Variants in PDILT observed in about 807,000 individuals in gnomAD.
The protein encoded by PDILT is protein disulfide-isomerase-like protein of the testis.
A neutral mutation model predicts 53.7 loss-of-function variants in PDILT; 43 were observed. That is an observed-to-expected ratio of 0.80 (90% CI 0.63 to 1.03). The LOEUF (loss-of-function observed/expected upper bound fraction) is 1.03, where lower values mean the gene tolerates loss of function less well. PDILT is among the 50% of genes least tolerant of loss of function. The pLI, the probability that PDILT is intolerant of heterozygous loss-of-function variation, is 0.00. For missense variants in PDILT, 727 were observed against 712.3 expected, an observed-to-expected ratio of 1.02 and a Z score of -0.24; for synonymous variants, 282 against 274.2, an observed-to-expected ratio of 1.03 and a Z score of -0.28.
chr16:20,400,043 TATC>T, intron 1 of PDILT, among the ~76,000 whole-genome samples: 1 of 125,488 alleles, frequency 8.0e-6, no homozygotes, highest in Admixed American at 8.4e-5. Flanking sequence ...TCTATCTATC[TATC>T]TATCTATCTA....
intron 3 of PDILT, among the ~76,000 whole-genome samples, chr16:20,382,803 G>A (rs1055995668): frequency 1.3e-5 from 2 of 152,200 alleles, no homozygotes; most frequent in Non-Finnish European, 2.9e-5. Context: ...GGCAGTGATT[G>A]TTTCTTAAGC....
At chr16:20,367,942 C>T (rs1284658869) in intron 8 of PDILT, among the ~76,000 whole-genome samples, 1 of 151,884 alleles carries the variant, frequency 6.6e-6, no homozygotes, top group Non-Finnish European at 1.5e-5. Context: ...ATGGGGTATA[C>T]AGGAGGTGGA....
At chr16:20,398,802 G>C (rs565307032) in intron 2 of PDILT, among the ~76,000 whole-genome samples, 1 of 152,226 alleles carries the variant, frequency 6.6e-6, no homozygotes, top group Admixed American at 6.5e-5. Context: ...GAAAGACTGA[G>C]GCTCGGAATA....
chr16:20,365,737 G>T (rs1238386281), intron 8 of PDILT, among the ~76,000 whole-genome samples, 197 bp from the exon 9 acceptor site: 1 of 152,148 alleles, frequency 6.6e-6, no homozygotes, highest in African/African-American at 2.4e-5. Context: ...GGGGTCAGGG[G>T]ACTGAGGAGC....
intron 5 of PDILT, 48 bp downstream of exon 5, chr16:20,374,774 C>G (rs1313580477): frequency 6.4e-7 from 1 of 1,565,802 alleles, no homozygotes; most frequent in South Asian, 1.2e-5. Context: ...TACGATTCCA[C>G]TACTTTGAAC....
intron 2 of PDILT, chr16:20,388,900 A>C (rs1379312607): frequency 2.0e-5 from 3 of 151,442 alleles, no homozygotes. Context: ...CAACAAGAGC[A>C]AAACTTCATC....
intron 8 of PDILT, among the ~76,000 whole-genome samples, chr16:20,369,171 T>A (rs1458846966): frequency 2.0e-5 from 3 of 152,208 alleles, no homozygotes; most frequent in African/African-American, 7.2e-5. Flanking sequence ...ATCTTTCACA[T>A]TGGAGGTGAT....
intron 3 of PDILT, among the ~76,000 whole-genome samples, chr16:20,380,115 T>C (rs1467516215): frequency 1.3e-5 from 2 of 152,114 alleles, no homozygotes; most frequent in Non-Finnish European, 1.5e-5. Flanking sequence ...CTGATGTCAC[T>C]TTGTGCCACC....
At chr16:20,398,800 G>C (rs1166097998) in intron 2 of PDILT, among the ~76,000 whole-genome samples, 1 of 152,166 alleles carries the variant, frequency 6.6e-6, no homozygotes, top group Non-Finnish European at 1.5e-5. Context: ...GAGAAAGACT[G>C]AGGCTCGGAA....
intron 2 of PDILT, chr16:20,391,125 T>C (rs1966601786): frequency 6.4e-6 from 1 of 156,098 alleles, no homozygotes; most frequent in African/African-American, 2.4e-5. Context: ...ATCATAACAA[T>C]TATCACCAGC....
Position 20,374,986 on chromosome 16 carries a change from G to T in PDILT, c.544-27C>A, listed in dbSNP as rs768583602. ...TATTTGGGAAAGGATGTTTGGAAAG[G>T]CTTTGGTAGAAATCAAGGTGCCTGG... On this transcript the variant is annotated intron_variant, in intron 4 of 11. Coordinates refer to ENST00000302451, the MANE Select transcript of PDILT (RefSeq NM_174924.2). 11 of 1,581,776 alleles carry T rather than the reference G, an allele frequency of 7.0e-6. No homozygotes were observed. The South Asian group carries it at 1.1e-4, about 16-fold the overall frequency.
At chr16:20,373,278 G>A (rs970962668) in intron 5 of PDILT, among the ~76,000 whole-genome samples, 156 bp from the exon 6 acceptor site, 14 of 152,150 alleles carry the variant, frequency 9.2e-5, no homozygotes, top group Admixed American at 9.2e-4. Context: ...TAACTAGGAG[G>A]GGCTGGCCAG....
chr16:20,392,053 T>C (rs1966612112), intron 2 of PDILT, among the ~76,000 whole-genome samples: 1 of 151,900 alleles, frequency 6.6e-6, no homozygotes, highest in Admixed American at 6.6e-5. Context: ...AGGGAGACCA[T>C]CTCAGAGGCT....
intron 3 of PDILT, among the ~76,000 whole-genome samples, chr16:20,383,825 C>T (rs1033386443): frequency 6.6e-6 from 1 of 152,148 alleles, no homozygotes; most frequent in African/African-American, 2.4e-5. Context: ...TCCATTTATC[C>T]ATCCTGCATC....
chr16:20,360,833 G>T (rs1052891597), intron 10 of PDILT, among the ~76,000 whole-genome samples, 176 bp from the exon 11 acceptor site: 6 of 152,198 alleles, frequency 3.9e-5, no homozygotes, highest in African/African-American at 1.2e-4. Context: ...TAATAAAAAT[G>T]CTTCTGACAT....
At chr16:20,384,223 G>C (rs774441286) in intron 3 of PDILT, among the ~76,000 whole-genome samples, 8 of 152,124 alleles carry the variant, frequency 5.3e-5, no homozygotes, top group Non-Finnish European at 8.8e-5. Context: ...CCCACTTCTT[G>C]GTGTTTCTAG....
chr16:20,367,860 G>A (rs555321413), intron 8 of PDILT, among the ~76,000 whole-genome samples: 87 of 152,296 alleles, frequency 5.7e-4, no homozygotes, highest in Non-Finnish European at 9.4e-4. Flanking sequence ...AGTCACCCTC[G>A]TGGTGATGTT....
chr16:20,393,715 A>G (rs2141618927), intron 2 of PDILT, among the ~76,000 whole-genome samples: 2 of 152,306 alleles, frequency 1.3e-5, no homozygotes, highest in South Asian at 4.1e-4. Context: ...GGCAGGGGAC[A>G]TAGACTCAAA....
At chr16:20,383,577 T>C (rs1340745479) in intron 3 of PDILT, among the ~76,000 whole-genome samples, 1 of 152,102 alleles carries the variant, frequency 6.6e-6, no homozygotes, top group African/African-American at 2.4e-5. Flanking sequence ...CCTGTGTCTT[T>C]CATGCCCTCT....
Sources: gnomAD v4.1 joint callset for allele counts (sites outside exome capture counted in the v4.1 genomes callset) on GRCh38, gnomAD v4.1.1 for gene constraint, MANE v1.5 for transcripts, NCBI Gene and HGNC (gene_info 2026-07-23, HGNC 2026-07-21) for gene names.